Variants in UBQLN4 observed in about 807,000 individuals in gnomAD.
UBQLN4 encodes ubiquilin 4.
A neutral mutation model predicts 60.4 loss-of-function variants in UBQLN4; 11 were observed. That is an observed-to-expected ratio of 0.18 (90% CI 0.11 to 0.30). The LOEUF (loss-of-function observed/expected upper bound fraction) is 0.30, where lower values mean the gene tolerates loss of function less well. UBQLN4 is among the 10% of genes least tolerant of loss of function. The probability of loss-of-function intolerance (pLI) is 1.00; values close to 1 mark genes in which losing one functional copy is unlikely to be tolerated. For missense variants in UBQLN4, 417 were observed against 795.5 expected, an observed-to-expected ratio of 0.52 and a Z score of 5.72; for synonymous variants, 258 against 313.1, an observed-to-expected ratio of 0.82 and a Z score of 1.86.
downstream of UBQLN4, among the ~76,000 whole-genome samples, chr1:156,034,864 T>TATATATAC (rs1683362378): frequency 8.6e-6 from 1 of 116,824 alleles, no homozygotes; most frequent in African/African-American, 3.2e-5. Flanking sequence ...TATATATATA[T>TATATATAC]ATATATAATT....
chr1:156,051,053 GC>G, intron 3 of UBQLN4, 56 bp downstream of exon 3: 3 of 1,546,308 alleles, frequency 1.9e-6, no homozygotes, highest in Non-Finnish European at 2.7e-6. Flanking sequence ...CCTCCTCTTG[GC>G]TTTCCCCAAC....
chr1:156,046,208 C>A (rs1215046653), intron 5 of UBQLN4, among the ~76,000 whole-genome samples: 1 of 151,788 alleles, frequency 6.6e-6, no homozygotes. Flanking sequence ...CAGTTTTAGG[C>A]CGGGCACGGT....
chr1:156,033,305 A>T (rs1382927751), downstream of UBQLN4: 1 of 985,222 alleles, frequency 1.0e-6, no homozygotes, highest in Non-Finnish European at 1.2e-6. Context: ...AGCAGAGTGT[A>T]ATCCTTCCGC....
intron 5 of UBQLN4, among the ~76,000 whole-genome samples, chr1:156,047,669 G>A (rs1235688838): frequency 1.3e-5 from 2 of 151,158 alleles, no homozygotes; most frequent in Non-Finnish European, 2.9e-5. Flanking sequence ...GCCAAGGTGG[G>A]CGGATCATGA....
intron 5 of UBQLN4, among the ~76,000 whole-genome samples, chr1:156,045,294 A>G (rs1206301930): frequency 6.6e-6 from 1 of 152,222 alleles, no homozygotes; most frequent in Non-Finnish European, 1.5e-5. Flanking sequence ...TCCTGTTCAG[A>G]TAACAGAGCT....
chr1:156,045,496 T>G (rs993124366), intron 5 of UBQLN4, among the ~76,000 whole-genome samples: 1 of 152,270 alleles, frequency 6.6e-6, no homozygotes, highest in Admixed American at 6.5e-5. Flanking sequence ...GAGCACCTAC[T>G]ATGTGCCTGA....
rs547606473 is a variant in UBQLN4 at position 156,039,405 on chromosome 1, G to A, written c.1653+2080C>T. Among the ~76,000 whole-genome samples, 9 of 151,614 alleles carry A rather than the reference G, an allele frequency of 5.9e-5. No homozygotes were observed. The East Asian group carries it at 1.2e-3, about 20-fold the overall frequency. ...AGCTGGGATGATAGGCATGCGCCAC[G>A]ACACCCAGCTAATTTTGTATTTTTA... On this transcript the variant is annotated intron_variant, in intron 10 of 10. Transcript: ENST00000368309.
rs1683830087 is a variant in UBQLN4 at position 156,050,145 on chromosome 1, G to A, written c.741+146C>T. On this transcript the variant is annotated intron_variant, in intron 4 of 10. Coordinates refer to ENST00000368309, the MANE Select transcript of UBQLN4 (RefSeq NM_020131.5). This position sits in a 1 kb window ranked among gnomAD's most constrained non-coding sequence, Gnocchi z 4.6. ...GACACCTGGAATTCCTGAAAAGCTA[G>A]GCCTGTCTTTTCATCCCTGTACCTC... 2 of 1,124,764 alleles carry A rather than the reference G, an allele frequency of 1.8e-6. No homozygotes were observed. The highest frequency in any genetic ancestry group is 5.6e-5 in the East Asian group (2 of 35,626). 69.7% of individuals were successfully genotyped at this position (1,124,764 alleles called of 1,614,324 possible).
In UBQLN4 at chr1:156,036,073, C is replaced by G; in HGVS notation, c.*905G>C. On this transcript the variant is annotated 3_prime_UTR_variant, in exon 11 of 11. Coordinates refer to ENST00000368309, the MANE Select transcript of UBQLN4 (RefSeq NM_020131.5). ...AGCACATATGCTTGAGGAACTAAAG[C>G]CAATATGACCCCTTGTGGGGCGTGG... 4.1e-6 allele frequency: 4 copies of G among 985,568 alleles called. No homozygotes were observed. Among genetic ancestry groups the G allele is most frequent in the Non-Finnish European group, 4.8e-6 (4 of 829,942 alleles). 61.1% of individuals were successfully genotyped at this position (985,568 alleles called of 1,614,324 possible).
intron 10 of UBQLN4, among the ~76,000 whole-genome samples, chr1:156,039,125 T>G (rs978318027): frequency 4.0e-5 from 6 of 151,362 alleles, no homozygotes; most frequent in African/African-American, 1.5e-4. Context: ...AAAAAAATTT[T>G]TACAGACTGG....
chr1:156,037,105 T>C lies in UBQLN4; in HGVS notation c.1679A>G (p.Gln560Arg), dbSNP rs199954432. 3 of 1,614,232 alleles carry C rather than the reference T, an allele frequency of 1.9e-6. No individual in the cohort carries two copies. The highest frequency in any genetic ancestry group is 2.2e-5 in the East Asian group (1 of 44,886). ...SQVQTPEVRF[Q>R]QQLEQLNSMG... ...GGAGTTGAGCTGCTCCAGCTGCTGC[T>C]GAAATCTCACTTCTGGCGTCTGCAC... is the stretch of plus-strand genomic sequence containing the variant. Residue 560 changes from glutamine (Q) to arginine (R), a missense_variant, in exon 11 of 11, where the codon CAG becomes CGG. Coordinates refer to ENST00000368309, the MANE Select transcript of UBQLN4 (RefSeq NM_020131.5).
chr1:156,048,312 C>T lies in UBQLN4; in HGVS notation c.900+189G>A, dbSNP rs1250271798. On this transcript the variant is annotated intron_variant, in intron 5 of 10. Transcript: ENST00000368309. The surrounding 1 kb of genome is among the most constrained non-coding windows in gnomAD (Gnocchi z 4.9). ...GCCTCAACCACTTCCACAAGGACCT[C>T]TGCTTATATTTGTCCATGCCAAAAT... is the stretch of plus-strand genomic sequence containing the variant. 6.6e-6 allele frequency among the ~76,000 whole-genome samples: 1 copy of T among 152,216 alleles called. No homozygotes were observed. Among genetic ancestry groups the T allele is most frequent in the Non-Finnish European group, 1.5e-5 (1 of 68,042 alleles).
chr1:156,049,064 T>A (rs1683793103), intron 4 of UBQLN4, among the ~76,000 whole-genome samples: 1 of 152,206 alleles, frequency 6.6e-6, no homozygotes, highest in South Asian at 2.1e-4. Context: ...CAGGGCCAAG[T>A]AGCTTACGGA....
intron 5 of UBQLN4, among the ~76,000 whole-genome samples, chr1:156,045,207 T>C (rs1373351343): frequency 3.9e-5 from 6 of 152,150 alleles, no homozygotes; most frequent in Non-Finnish European, 8.8e-5. Context: ...CTTTTCCTGT[T>C]CATTGAAAGT....
Position 156,041,892 on chromosome 1 carries a change from C to T in UBQLN4, c.1446G>A (p.Glu482=). 1 of 1,613,360 alleles carries T rather than the reference C, an allele frequency of 6.2e-7. No individual in the cohort carries two copies. The highest frequency in any genetic ancestry group is 1.1e-5 in the South Asian group (1 of 91,006). ...IQQGLQTLQT[E]APGLVPSLGS... ...CTCACCTGGGTACCAGCCCAGGGGC[C>T]TCGGTCTGCAAGGTCTGTAGTCCCT... Residue 482 remains glutamate, a synonymous_variant, in exon 9 of 11, where the codon GAG becomes GAA. Transcript: ENST00000368309.
intron 10 of UBQLN4, among the ~76,000 whole-genome samples, chr1:156,039,675 C>T (rs556030458): frequency 1.3e-5 from 2 of 152,012 alleles, no homozygotes; most frequent in East Asian, 2.0e-4. Flanking sequence ...CGGTGGCTGA[C>T]GCCAGTAATC....
rs1470474639 is a variant in UBQLN4 at position 156,048,738 on chromosome 1, G to T, written c.742-79C>A. ...AGGAAAAGGGTGGGCCTTGAGGAAG[G>T]GGGGTCTGTATCAGGATCAGGACCA... On this transcript the variant is annotated intron_variant, in intron 4 of 10. Transcript: ENST00000368309. This position sits in a 1 kb window ranked among gnomAD's most constrained non-coding sequence, Gnocchi z 4.9. The T allele has an allele frequency of 2.6e-6, 4 of 1,509,998 alleles. No homozygotes were observed. The African/African-American group carries it at 4.1e-5, about 16-fold the overall frequency. 93.5% of individuals were successfully genotyped at this position (1,509,998 alleles called of 1,614,324 possible).
In UBQLN4 at chr1:156,051,855, G is replaced by C. The variant is rs1404508095; in HGVS notation, c.111C>G (p.Phe37Leu). The change falls in exon 2 of 11, where the codon TTC (phenylalanine) becomes TTG (leucine). Residue 37 changes from phenylalanine (F) to leucine (L), a missense_variant and splice_region_variant. Phe to Leu is a conservative substitution (Grantham distance 22). Coordinates refer to ENST00000368309, the MANE Select transcript of UBQLN4 (RefSeq NM_020131.5). The part of the protein sequence containing the change: ...VICDRASVKE[F>L]KEEISRRFKA... ...TAAACCTCCGGGAGATTTCCTCTTTGAACTGTGATCAAGAGGCAGAGGTCA... is the reference window on the plus strand; with the variant it reads ...TAAACCTCCGGGAGATTTCCTCTTTCAACTGTGATCAAGAGGCAGAGGTCA... The C allele has an allele frequency of 6.2e-7, 1 of 1,613,950 alleles. No homozygotes were observed. Among genetic ancestry groups the C allele is most frequent in the Non-Finnish European group, 8.5e-7 (1 of 1,180,014 alleles).
intron 5 of UBQLN4, among the ~76,000 whole-genome samples, chr1:156,046,125 C>T (rs1457277941): frequency 1.3e-5 from 2 of 151,872 alleles, no homozygotes; most frequent in African/African-American, 4.8e-5. Flanking sequence ...AGATTATAGG[C>T]ATGCGCCACT....
Sources: gnomAD v4.1 joint callset for allele counts (sites outside exome capture counted in the v4.1 genomes callset) on GRCh38, gnomAD v4.1.1 for gene constraint, Gnocchi (gnomAD v3.1) non-coding constraint, MANE v1.5 for transcripts, NCBI Gene and HGNC (gene_info 2026-07-23, HGNC 2026-07-21) for gene names.